The following CCK variants were observed in gnomAD, a reference collection of about 807,000 sequenced individuals.
CCK encodes cholecystokinin triacontatriapeptide.
A neutral mutation model predicts 10.1 loss-of-function variants in CCK; 11 were observed. The observed-to-expected ratio is 1.09, with a 90% CI of 0.69 to 1.81. The LOEUF is 1.81. Among genes scored for constraint, CCK ranks in the 40% most tolerant of loss-of-function variants. The pLI is 0.00. For synonymous variants in CCK, 83 were observed against 71.9 expected (o/e 1.15, Z -0.78); for missense variants, 137 against 159.9 (o/e 0.86, Z 0.77).
rs1711281532 is a variant in CCK, at chr3:42,265,920, A to C, written c.-619T>G. 2 of 152,254 alleles carry C rather than the reference A, an allele frequency of 1.3e-5. No individual in the cohort carries two copies. Among genetic ancestry groups the C allele is most frequent in the South Asian group, 4.1e-4 (2 of 4,826 alleles). The allele number at this position is 152,254 out of a possible 1,614,324, so 9.4% of individuals were successfully genotyped here. On this transcript the variant is annotated 5_prime_UTR_variant, in exon 1 of 5. Coordinates refer to ENST00000396169, the MANE Select transcript of CCK (RefSeq NM_000729.6). Reference sequence around the variant, plus strand: ...TGCTTGAGTTCGCCGCGTCCCTGCAAAGGCACTGCCAACCCCATTTCACAG... The same window carrying C: ...TGCTTGAGTTCGCCGCGTCCCTGCACAGGCACTGCCAACCCCATTTCACAG...
chr3:42,263,254 T>A (rs1156372433), intron 4 of CCK, 163 bp downstream of exon 4: 1 of 1,060,254 alleles, frequency 9.4e-7, no homozygotes, highest in Admixed American at 1.8e-5. Flanking sequence ...AATTAAGTCC[T>A]CCATACCCCT....
rs1374375347 is a variant in CCK at position 42,266,085 on chromosome 3, C to G, written c.-784G>C. 2.0e-5 allele frequency: 3 copies of G among 152,304 alleles called. No homozygotes were observed. Among genetic ancestry groups the G allele is most frequent in the Non-Finnish European group, 4.4e-5 (3 of 68,142 alleles). 9.4% of individuals were successfully genotyped at this position (152,304 alleles called of 1,614,324 possible). On this transcript the variant is annotated 5_prime_UTR_variant, in exon 1 of 5. Coordinates refer to ENST00000396169, the MANE Select transcript of CCK (RefSeq NM_000729.6). ...TGAACCTTGGGACCTCAACTCCTCT[C>G]CCTTTCTTTCCCCCACCCGTCTTAG... is the stretch of plus-strand genomic sequence containing the variant.
chr3:42,260,896 G>A (rs565316735), intron 4 of CCK, among the ~76,000 whole-genome samples: 1 of 152,220 alleles, frequency 6.6e-6, no homozygotes, highest in Non-Finnish European at 1.5e-5. Flanking sequence ...GGCCCTCCTG[G>A]GGGGAGCAGG....
chr3:42,257,989 T>G lies in CCK; in HGVS notation c.*109A>C. On this transcript the variant is annotated 3_prime_UTR_variant, in exon 5 of 5. Transcript: ENST00000396169. Reference sequence around the variant, plus strand: ...ATTGAGAACTTAATAAATAGATACATACAATGTCAAACTCCACAGACAATG... The same window carrying G: ...ATTGAGAACTTAATAAATAGATACAGACAATGTCAAACTCCACAGACAATG... 1 of 1,202,678 alleles carries G rather than the reference T, an allele frequency of 8.3e-7. No homozygotes were observed. Among genetic ancestry groups the G allele is most frequent in the East Asian group, 2.4e-5 (1 of 42,000 alleles). 74.5% of individuals were successfully genotyped at this position (1,202,678 alleles called of 1,614,324 possible).
rs1298284395 is a variant in CCK at position 42,265,391 on chromosome 3, C to T, written c.-336G>A. 3.3e-5 allele frequency: 5 copies of T among 152,456 alleles called. No individual in the cohort carries two copies. Among genetic ancestry groups the T allele is most frequent in the Non-Finnish European group, 7.3e-5 (5 of 68,244 alleles). 9.4% of individuals were successfully genotyped at this position (152,456 alleles called of 1,614,324 possible). On this transcript the variant is annotated 5_prime_UTR_variant, in exon 2 of 5. Coordinates refer to ENST00000396169, the MANE Select transcript of CCK (RefSeq NM_000729.6). ...CCAGTGTTCTGGGTCAGTGAAAGGG[C>T]TCTGGCCACAGCTGGCTCTTGGTGT...
intron 4 of CCK, 26 bp from the exon 5 acceptor site, chr3:42,258,257 C>T: frequency 6.2e-7 from 1 of 1,602,310 alleles, no homozygotes; most frequent in South Asian, 1.1e-5. Context: ...AGGAAGGAAA[C>T]AGGGACATTG....
rs1711245125 is a variant in CCK, at chr3:42,263,503, T to C, written c.128A>G (p.Gln43Arg). ...ATCCGTTCTCTGCGATACCCTCAGC[T>C]GCCTACGGGGCGCCTCCTCTGCCCG... ...LQRAEEAPRR[Q>R]LRVSQRTDGE... Residue 43 changes from glutamine to arginine, a missense_variant, in exon 4 of 5, where the codon CAG becomes CGG. Physicochemically the swap from Gln to Arg is conservative, Grantham distance 43. Coordinates refer to ENST00000396169, the MANE Select transcript of CCK (RefSeq NM_000729.6). 1.2e-6 allele frequency: 2 copies of C among 1,613,994 alleles called. No homozygotes were observed. The highest frequency in any genetic ancestry group is 1.7e-6 in the Non-Finnish European group (2 of 1,179,964).
chr3:42,258,587 G>T (rs987639371), intron 4 of CCK, among the ~76,000 whole-genome samples: 2 of 152,126 alleles, frequency 1.3e-5, no homozygotes, highest in Non-Finnish European at 2.9e-5. Context: ...TTTTCCTTTT[G>T]TAGATGGCAT....
At chr3:42,260,122 C>T (rs1711191178) in intron 4 of CCK, among the ~76,000 whole-genome samples, 1 of 152,202 alleles carries the variant, frequency 6.6e-6, no homozygotes, top group Non-Finnish European at 1.5e-5. Context: ...ACAACGTCCC[C>T]ACCCTTTCTC....
Position 42,263,487 on chromosome 3 carries a change from C to T in CCK, c.144G>A (p.Gln48=), listed in dbSNP as rs1711244867. Reference sequence around the variant, plus strand: ...GCGCTCGGGACTCGCCATCCGTTCTCTGCGATACCCTCAGCTGCCTACGGG... The same window carrying T: ...GCGCTCGGGACTCGCCATCCGTTCTTTGCGATACCCTCAGCTGCCTACGGG... ...EAPRRQLRVS[Q]RTDGESRAHL... Residue 48 remains glutamine (Q), a synonymous_variant, in exon 4 of 5, where the codon CAG becomes CAA. Coordinates refer to ENST00000396169, the MANE Select transcript of CCK (RefSeq NM_000729.6). The T allele has an allele frequency of 6.2e-7, 1 of 1,614,050 alleles. No individual in the cohort carries two copies. Among genetic ancestry groups the T allele is most frequent in the African/African-American group, 1.3e-5 (1 of 74,950 alleles).
rs1559423628 is a variant in CCK at position 42,258,114 on chromosome 3, T to C, written c.332A>G (p.Tyr111Cys). 1.2e-6 allele frequency: 2 copies of C among 1,613,886 alleles called. No homozygotes were observed. Among genetic ancestry groups the C allele is most frequent in the South Asian group, 1.1e-5 (1 of 90,966 alleles). Reference sequence around the variant, plus strand: ...CTGGGTCCTCTAGGAGGGGTACTCATACTCCTCGGCACTGCGACGGCCAAA... The same window carrying C: ...CTGGGTCCTCTAGGAGGGGTACTCACACTCCTCGGCACTGCGACGGCCAAA... ...MDFGRRSAEE[Y>C]EYPS is the part of the protein sequence containing the mutation. The change falls in exon 5 of 5, where the codon TAT (tyrosine) becomes TGT (cysteine). Residue 111 changes from tyrosine to cysteine, a missense_variant. Transcript: ENST00000396169.
chr3:42,260,030 G>C (rs578115403), intron 4 of CCK, among the ~76,000 whole-genome samples: 2 of 152,272 alleles, frequency 1.3e-5, no homozygotes, highest in Non-Finnish European at 2.9e-5. Flanking sequence ...TATGGCTTAT[G>C]TGTTGATAAA....
intron 4 of CCK, among the ~76,000 whole-genome samples, chr3:42,259,218 G>A (rs900678510): frequency 1.3e-5 from 2 of 152,056 alleles, no homozygotes; most frequent in African/African-American, 2.4e-5. Flanking sequence ...GGGGGTTAGG[G>A]GAGGGATAGC....
chr3:42,263,266 C>G, intron 4 of CCK, 151 bp downstream of exon 4: 1 of 1,208,626 alleles, frequency 8.3e-7, no homozygotes, highest in African/African-American at 1.5e-5. Context: ...CATACCCCTT[C>G]TCAGATTGCT....
At chr3:42,261,737 G>C (rs1711217222) in intron 4 of CCK, among the ~76,000 whole-genome samples, 1 of 152,042 alleles carries the variant, frequency 6.6e-6, no homozygotes, top group African/African-American at 2.4e-5. Context: ...TAAATTGGAG[G>C]AGGGGAGTCC....
chr3:42,262,868 C>T (rs1711236247), intron 4 of CCK: 1 of 170,158 alleles, frequency 5.9e-6, no homozygotes, highest in Admixed American at 5.5e-5. Flanking sequence ...AAAGTAAAAA[C>T]AAATACCTCT....
intron 3 of CCK, 44 bp from the exon 4 acceptor site, chr3:42,263,676 G>A: frequency 6.8e-7 from 1 of 1,474,286 alleles, no homozygotes; most frequent in South Asian, 1.4e-5. Flanking sequence ...GAAAGGCTGG[G>A]CAACAGAGCT....
rs3774394 is a variant in CCK, at chr3:42,258,051, C to G, written c.*47G>C. On this transcript the variant is annotated 3_prime_UTR_variant, in exon 5 of 5. Coordinates refer to ENST00000396169, the MANE Select transcript of CCK (RefSeq NM_000729.6). ...TGATTGTTTTCTTATTCTGCCTCCT[C>G]TGGGTTGGGAGGTTGCTTCCCGTTG... is the stretch of plus-strand genomic sequence containing the variant. 13 of 1,574,804 alleles carry G rather than the reference C, an allele frequency of 8.3e-6. No homozygotes were observed. In the East Asian group the frequency reaches 2.7e-4, roughly 33 times the overall value.
chr3:42,263,745 C>G, intron 3 of CCK, 113 bp from the exon 4 acceptor site: 1 of 1,418,156 alleles, frequency 7.1e-7, no homozygotes, highest in Non-Finnish European at 9.2e-7. Context: ...GCTCCAGACC[C>G]GCCAGGCCGC....
Sources: allele counts gnomAD v4.1 joint callset (sites outside exome capture counted in the v4.1 genomes callset), GRCh38; gene constraint gnomAD v4.1.1; transcripts MANE v1.5; gene names NCBI Gene and HGNC (gene_info 2026-07-23, HGNC 2026-07-21).